XKR4: variants seen among roughly 807,000 people sequenced by gnomAD.
XKR4 encodes XK related 4, also known as XK-related protein 4.
In XKR4, 12 loss-of-function variants were observed where a neutral mutation model predicts 53.9. The ratio of observed to expected loss-of-function variants is 0.22; its 90% CI spans 0.14 to 0.36. XKR4 has a LOEUF of 0.36. XKR4 is among the 10% of genes least tolerant of loss of function. The pLI is 1.00. For synonymous variants in XKR4, 354 were observed against 362.4 expected (o/e 0.98, Z 0.26); for missense variants, 799 against 859.5 (o/e 0.93, Z 0.88).
At chr8:55,362,057 T>C (rs1302053877) in intron 2 of XKR4, among the ~76,000 whole-genome samples, 1 of 152,174 alleles carries the variant, frequency 6.6e-6, no homozygotes, top group African/African-American at 2.4e-5. Context: ...GGGATAATAA[T>C]AGTGCTAATT....
At chr8:55,434,396 T>G (rs552054172) in intron 2 of XKR4, among the ~76,000 whole-genome samples, 3 of 147,392 alleles carry the variant, frequency 2.0e-5, no homozygotes, top group African/African-American at 7.6e-5. Flanking sequence ...TGATTGTTCT[T>G]ACTTGATACC....
chr8:55,186,441 G>A (rs2129360445), intron 1 of XKR4, among the ~76,000 whole-genome samples: 1 of 152,212 alleles, frequency 6.6e-6, no homozygotes, highest in East Asian at 1.9e-4. Context: ...GGATCACGAG[G>A]TCAGGAGATC....
intron 2 of XKR4, among the ~76,000 whole-genome samples, chr8:55,507,866 TAATGGGATGACTGAGTCA>T (rs775258365): frequency 6.6e-6 from 1 of 152,212 alleles, no homozygotes; most frequent in Non-Finnish European, 1.5e-5. Context: ...ATATACCCAG[TAATGGGATGACTGAGTCA>T]AATGGTATTT....
intron 2 of XKR4, among the ~76,000 whole-genome samples, chr8:55,445,369 GT>G (rs1434103342): frequency 6.6e-6 from 1 of 152,134 alleles, no homozygotes; most frequent in African/African-American, 2.4e-5. Context: ...ATGTGTGAAT[GT>G]TTAAAACACA....
intron 2 of XKR4, among the ~76,000 whole-genome samples, chr8:55,481,958 C>G (rs1279843924): frequency 1.3e-5 from 2 of 152,150 alleles, no homozygotes; most frequent in African/African-American, 4.8e-5. Context: ...GGACTGTAAT[C>G]TAGTTCAACC....
intron 2 of XKR4, among the ~76,000 whole-genome samples, chr8:55,366,121 T>C (rs1169345417): frequency 6.6e-6 from 1 of 152,160 alleles, no homozygotes. Flanking sequence ...AGGATGCTGA[T>C]ATGCAGAGGA....
chr8:55,441,715 A>G (rs2622593), intron 2 of XKR4, among the ~76,000 whole-genome samples: 84,331 of 151,984 alleles, frequency 0.55, 24,944 homozygotes, highest in African/African-American at 0.76. Flanking sequence ...CTTAATAAGC[A>G]TTGGTCAGTT....
chr8:55,429,991 C>T (rs149503633), intron 2 of XKR4, among the ~76,000 whole-genome samples: 1 of 152,238 alleles, frequency 6.6e-6, no homozygotes, highest in East Asian at 1.9e-4. Flanking sequence ...TATGAAGAGA[C>T]ATTTCACCAA....
chr8:55,329,416 G>A lies in XKR4; in HGVS notation c.807-28262G>A, dbSNP rs117633580. 2.7e-4 allele frequency among the ~76,000 whole-genome samples: 41 copies of A among 151,190 alleles called. No homozygotes were observed. The East Asian group carries it at 6.2e-3, about 23-fold the overall frequency. On this transcript the variant is annotated intron_variant, in intron 1 of 2. Transcript: ENST00000327381. ...TTTTTTAGCTCATCAGGTATCGTCA[G>A]TGTTAGTATATTTCATGTAAGGCCC... is the stretch of plus-strand genomic sequence containing the variant.
At chr8:55,492,864 C>G (rs557750605) in intron 2 of XKR4, among the ~76,000 whole-genome samples, 80 of 152,300 alleles carry the variant, frequency 5.3e-4, no homozygotes, top group African/African-American at 1.7e-3. Context: ...CTGGCATTAT[C>G]AAACTTGCAG....
At chr8:55,468,657 G>A (rs1246554695) in intron 2 of XKR4, among the ~76,000 whole-genome samples, 1 of 152,040 alleles carries the variant, frequency 6.6e-6, no homozygotes, top group Non-Finnish European at 1.5e-5. Flanking sequence ...ATAGATGAAT[G>A]AATCATAATA....
intron 1 of XKR4, among the ~76,000 whole-genome samples, chr8:55,146,350 T>C (rs1816773193): frequency 6.6e-6 from 1 of 152,232 alleles, no homozygotes; most frequent in African/African-American, 2.4e-5. Context: ...GGAAAGACTT[T>C]CTAAAAGAAT....
chr8:55,408,143 T>A (rs978378603), intron 2 of XKR4, among the ~76,000 whole-genome samples: 7 of 152,072 alleles, frequency 4.6e-5, no homozygotes, highest in African/African-American at 1.7e-4. Flanking sequence ...AGGCAATTAG[T>A]AAAAAAGGGA....
intron 1 of XKR4, among the ~76,000 whole-genome samples, chr8:55,139,757 AATG>A (rs1328901265): frequency 6.6e-6 from 1 of 152,074 alleles, no homozygotes; most frequent in Non-Finnish European, 1.5e-5. Flanking sequence ...AAATGGGAGT[AATG>A]ATGATTGCTG....
At chr8:55,348,694 ACACACACAC>A (rs1803686432) in intron 1 of XKR4, among the ~76,000 whole-genome samples, 1 of 144,522 alleles carries the variant, frequency 6.9e-6, no homozygotes, top group Non-Finnish European at 1.5e-5. Context: ...ACAAACATAC[ACACACACAC>A]ACACACACAC....
At chr8:55,230,830 A>G (rs925280402) in intron 1 of XKR4, among the ~76,000 whole-genome samples, 204 of 152,202 alleles carry the variant, frequency 1.3e-3, no homozygotes, top group African/African-American at 4.8e-3. Context: ...ACTGGTGACA[A>G]CATCTCTGTG....
chr8:55,502,917 C>T (rs561279002), intron 2 of XKR4, among the ~76,000 whole-genome samples: 13 of 152,226 alleles, frequency 8.5e-5, no homozygotes, highest in Non-Finnish European at 2.9e-5. Flanking sequence ...AGAGTCCACC[C>T]TTTTTGCATA....
intron 1 of XKR4, among the ~76,000 whole-genome samples, chr8:55,248,961 T>A (rs761405718): frequency 1.1e-4 from 16 of 152,188 alleles, no homozygotes; most frequent in Admixed American, 3.3e-4. Context: ...ATCCTCACCA[T>A]CTATCCTTCG....
intron 1 of XKR4, among the ~76,000 whole-genome samples, chr8:55,252,765 A>G (rs1177843278): frequency 6.6e-6 from 1 of 152,186 alleles, no homozygotes; most frequent in African/African-American, 2.4e-5. Context: ...AAAGCCTCAA[A>G]AGAAAGAGAC....
Sources: gnomAD v4.1 joint callset for allele counts (sites outside exome capture counted in the v4.1 genomes callset) on GRCh38, gnomAD v4.1.1 for gene constraint, MANE v1.5 for transcripts, NCBI Gene and HGNC (gene_info 2026-07-23, HGNC 2026-07-21) for gene names.